SEC24C: variants seen among roughly 807,000 people sequenced by gnomAD.
SEC24C encodes protein transport protein Sec24C.
In SEC24C, 22 loss-of-function variants were observed where a neutral mutation model predicts 117.0. The ratio of observed to expected loss-of-function variants is 0.19; its 90% CI spans 0.13 to 0.27. The LOEUF is 0.27. SEC24C is among the 10% of genes least tolerant of loss of function. SEC24C has a pLI of 1.00. For synonymous variants in SEC24C, 506 were observed against 529.4 expected, an observed-to-expected ratio of 0.96 and a Z score of 0.61; for missense variants, 1,155 against 1,375.1, an observed-to-expected ratio of 0.84 and a Z score of 2.53.
At chr10:73,759,574 A>C in intron 3 of SEC24C, 48 bp from the exon 4 acceptor site, 1 of 1,422,056 alleles carries the variant, frequency 7.0e-7, no homozygotes, top group Non-Finnish European at 9.3e-7. Flanking sequence ...TAGACTTCAA[A>C]GGGTGTCCTG....
rs764296169 is a variant in SEC24C at position 73,766,845 on chromosome 10, G to A, written c.1885G>A (p.Ala629Thr). ...FVPVIQAGMEALKAAECAGKL... is the reference protein window; with the variant it reads ...FVPVIQAGMETLKAAECAGKL... ...ACCAGTTATCCAGGCTGGAATGGAG[G>A]CTCTGAAGGTAAGGCTGGAGTATCG... Residue 629 changes from alanine to threonine, a missense_variant, in exon 13 of 23, where the codon GCT (alanine) becomes ACT (threonine). By Grantham distance (58) the Ala-to-Thr change is moderately conservative. Coordinates refer to ENST00000345254, the MANE Select transcript of SEC24C (RefSeq NM_198597.3). The A allele has an allele frequency of 6.2e-7, 1 of 1,613,898 alleles. No individual in the cohort carries two copies.
chr10:73,768,786 G>T, intron 15 of SEC24C, 24 bp from the exon 16 acceptor site: 2 of 1,611,268 alleles, frequency 1.2e-6, no homozygotes, highest in South Asian at 1.1e-5. Context: ...TCAGTGACAT[G>T]ACTCTGGACC....
chr10:73,762,133 G>A, intron 6 of SEC24C: 1 of 1,289,718 alleles, frequency 7.8e-7, no homozygotes, highest in African/African-American at 1.5e-5. Flanking sequence ...AGAAAACCAG[G>A]CACAGAATAG....
At chr10:73,759,533 A>G (rs189613402) in intron 3 of SEC24C, 89 bp from the exon 4 acceptor site, 3 of 1,020,468 alleles carry the variant, frequency 2.9e-6, no homozygotes, top group Non-Finnish European at 2.7e-6. Context: ...TCACAAAACA[A>G]TGTAGCTTCC....
intron 2 of SEC24C, among the ~76,000 whole-genome samples, chr10:73,748,621 G>A (rs2082597189): frequency 6.6e-6 from 1 of 151,740 alleles, no homozygotes. Context: ...ATTTTTATTA[G>A]AGATGGGGTT....
Position 73,765,588 on chromosome 10 carries a change from T to C in SEC24C, c.1365T>C (p.Asp455=), listed in dbSNP as rs770109927. 2.5e-6 allele frequency: 4 copies of C among 1,613,348 alleles called. No homozygotes were observed. Among genetic ancestry groups the C allele is most frequent in the African/African-American group, 1.3e-5 (1 of 74,930 alleles). Residue 455 remains aspartate (D), a splice_region_variant and synonymous_variant, in exon 9 of 23, where the codon GAT becomes GAC. Coordinates refer to ENST00000345254, the MANE Select transcript of SEC24C (RefSeq NM_198597.3). The part of the protein sequence containing the change: ...FQCCFCSCIN[D]VPPQYFQHLD... ...GCTGTTTTTGCAGCTGTATCAATGA[T>C]GGTATGTTCATGGAAGCTGGGATTT...
chr10:73,768,394 T>C (rs907780780), intron 15 of SEC24C, among the ~76,000 whole-genome samples: 1 of 151,918 alleles, frequency 6.6e-6, no homozygotes, highest in African/African-American at 2.4e-5. Context: ...GAAGAAATAG[T>C]GTTGGAAGAG....
chr10:73,763,549 A>G lies in SEC24C; in HGVS notation c.1047A>G (p.Val349=). The G allele has an allele frequency of 5.6e-6, 9 of 1,613,498 alleles. No individual in the cohort carries two copies. The highest frequency in any genetic ancestry group is 6.8e-6 in the Non-Finnish European group (8 of 1,179,772). Residue 349 remains valine (V), a synonymous_variant, in exon 7 of 23, where the codon GTA becomes GTG. Transcript: ENST00000345254. The part of the protein sequence containing the change: ...NRGTEPFVTG[V]RGQVPPLVTT... ...GTACAGAGCCATTTGTTACTGGAGT[A>G]CGGGGCCAGGTGCCACCCTTAGTCA...
chr10:73,764,054 G>T, intron 8 of SEC24C, 71 bp downstream of exon 8: 1 of 1,489,546 alleles, frequency 6.7e-7, no homozygotes, highest in Admixed American at 2.3e-5. Flanking sequence ...CGTCTTCCTG[G>T]ATGTGATTCC....
In SEC24C at chr10:73,769,203, T is replaced by C; in HGVS notation, c.2424+51T>C. The C allele has an allele frequency of 6.2e-7, 1 of 1,606,250 alleles. No homozygotes were observed. The highest frequency in any genetic ancestry group is 2.2e-5 in the East Asian group (1 of 44,658). On this transcript the variant is annotated intron_variant, in intron 17 of 22. Coordinates refer to ENST00000345254, the MANE Select transcript of SEC24C (RefSeq NM_198597.3). The surrounding 1 kb of genome is among the most constrained non-coding windows in gnomAD (Gnocchi z 4.5). ...CAGGAAGTGTTTCATTCGCTTGGTATAGAAGAGGGTGAGGAATGGGTAGAG... is the reference window on the plus strand; with the variant it reads ...CAGGAAGTGTTTCATTCGCTTGGTACAGAAGAGGGTGAGGAATGGGTAGAG...
At chr10:73,755,570 G>A (rs1589515603) in intron 3 of SEC24C, among the ~76,000 whole-genome samples, 2 of 151,952 alleles carry the variant, frequency 1.3e-5, no homozygotes, top group East Asian at 3.9e-4. Flanking sequence ...ACAGCTACTT[G>A]GGGGGCTGAG....
chr10:73,768,238 G>A (rs1457116868), intron 15 of SEC24C, among the ~76,000 whole-genome samples: 1 of 152,146 alleles, frequency 6.6e-6, no homozygotes, highest in Non-Finnish European at 1.5e-5. Flanking sequence ...ACAAAAATTA[G>A]TCGGGTGTGG....
At chr10:73,752,666 A>C (rs1186046390) in intron 3 of SEC24C, among the ~76,000 whole-genome samples, 1 of 152,034 alleles carries the variant, frequency 6.6e-6, no homozygotes, top group African/African-American at 2.4e-5. Flanking sequence ...TGTTTTAAAT[A>C]CATTGGTCCG....
chr10:73,758,763 G>A (rs900638385), intron 3 of SEC24C, among the ~76,000 whole-genome samples: 1 of 152,064 alleles, frequency 6.6e-6, no homozygotes, highest in Non-Finnish European at 1.5e-5. Context: ...GTGGTTAAGT[G>A]GTTTTTCATT....
rs1352663308 is a variant in SEC24C, at chr10:73,769,936, G to A, written c.2783G>A (p.Arg928His). ...GGAGCTGAAGTCACTACTGATGACC[G>A]TGCCTATGTCCGACAGCTAGTTACC... is the stretch of plus-strand genomic sequence containing the variant. ...QPGAEVTTDD[R>H]AYVRQLVTSM... The change falls in exon 20 of 23, where the codon CGT (arginine) becomes CAT (histidine). Residue 928 changes from arginine (R) to histidine (H), a missense_variant. Arg to His is a conservative substitution (Grantham distance 29). Around this residue, in one of 2 missense-constraint regions of SEC24C, gnomAD observed 759 missense variants for 992.3 expected, o/e 0.76. Coordinates refer to ENST00000345254, the MANE Select transcript of SEC24C (RefSeq NM_198597.3). The surrounding 1 kb of genome is among the most constrained non-coding windows in gnomAD (Gnocchi z 4.5). The A allele has an allele frequency of 3.1e-6, 5 of 1,614,022 alleles. No homozygotes were observed. The highest frequency in any genetic ancestry group is 4.5e-5 in the East Asian group (2 of 44,900).
Position 73,769,431 on chromosome 10 carries a change from G to T in SEC24C, c.2509G>T (p.Asp837Tyr). ...LALNCCTQLA[D>Y]LYRNCETDTL... ...CCTGAACTGCTGCACCCAGCTGGCT[G>T]ATCTATATCGAAACTGTGAGACTGA... Residue 837 changes from aspartate to tyrosine, a missense_variant, in exon 18 of 23, where the codon GAT (aspartate) becomes TAT (tyrosine). Asp to Tyr is a radical substitution (Grantham distance 160, BLOSUM62 -3). Coordinates refer to ENST00000345254, the MANE Select transcript of SEC24C (RefSeq NM_198597.3). The surrounding 1 kb of genome is among the most constrained non-coding windows in gnomAD (Gnocchi z 4.5). 1 of 1,614,164 alleles carries T rather than the reference G, an allele frequency of 6.2e-7. No homozygotes were observed. Among genetic ancestry groups the T allele is most frequent in the Non-Finnish European group, 8.5e-7 (1 of 1,180,026 alleles).
At chr10:73,763,639 CT>C in intron 7 of SEC24C, 38 bp downstream of exon 7, 1 of 410,726 alleles carries the variant, frequency 2.4e-6, no homozygotes, top group Non-Finnish European at 4.0e-6. Context: ...GGGGCTTTTT[CT>C]TCAAGATTAT....
intron 3 of SEC24C, among the ~76,000 whole-genome samples, chr10:73,758,899 T>C (rs2082752534): frequency 6.6e-6 from 1 of 151,984 alleles, no homozygotes; most frequent in Non-Finnish European, 1.5e-5. Flanking sequence ...TTTGTGCTGA[T>C]GGGAATAATC....
intron 2 of SEC24C, among the ~76,000 whole-genome samples, chr10:73,749,846 C>G (rs551058556): frequency 2.6e-5 from 4 of 152,298 alleles, no homozygotes; most frequent in African/African-American, 7.2e-5. Context: ...CCAGCCTTAC[C>G]TTACTTTCTC....
Sources: allele counts gnomAD v4.1 joint callset (sites outside exome capture counted in the v4.1 genomes callset), GRCh38; gene constraint gnomAD v4.1.1; regional missense constraint gnomAD v4.1.1; non-coding constraint Gnocchi (gnomAD v3.1); transcripts MANE v1.5; gene names NCBI Gene and HGNC (gene_info 2026-07-23, HGNC 2026-07-21).